PTGFRN: variants seen among roughly 807,000 people sequenced by gnomAD.
PTGFRN encodes prostaglandin F2 receptor inhibitor, also known as prostaglandin F2 receptor negative regulator.
A neutral mutation model predicts 83.2 loss-of-function variants in PTGFRN; 35 were observed. That is an observed-to-expected ratio of 0.42 (90% CI 0.32 to 0.56). The LOEUF (loss-of-function observed/expected upper bound fraction) is 0.56, where lower values mean the gene tolerates loss of function less well. PTGFRN is among the 20% of genes least tolerant of loss of function. The probability of loss-of-function intolerance (pLI) is 0.11; values close to 1 mark genes in which losing one functional copy is unlikely to be tolerated. For synonymous variants in PTGFRN, 519 were observed against 498.6 expected, an observed-to-expected ratio of 1.04 and a Z score of -0.55; for missense variants, 1,051 against 1,179.5, an observed-to-expected ratio of 0.89 and a Z score of 1.60.
chr1:116,923,311 T>A lies in PTGFRN; in HGVS notation c.49+13059T>A, dbSNP rs576527068. ...GCAGAAGATATCTATGTGTCCTTTT[T>A]ACTATCTTTCTTATGTGTGCTTATT... is the stretch of plus-strand genomic sequence containing the variant. On this transcript the variant is annotated intron_variant, in intron 1 of 8. Coordinates refer to ENST00000393203, the MANE Select transcript of PTGFRN (RefSeq NM_020440.4). This position sits in a 1 kb window ranked among gnomAD's most constrained non-coding sequence, Gnocchi z 4.0. Among the ~76,000 whole-genome samples, 3 of 152,380 alleles carry A rather than the reference T, an allele frequency of 2.0e-5. No individual in the cohort carries two copies. The highest frequency in any genetic ancestry group is 3.8e-4 in the East Asian group (2 of 5,196).
intron 6 of PTGFRN, among the ~76,000 whole-genome samples, chr1:116,971,731 C>T (rs539308806): frequency 6.6e-6 from 1 of 152,276 alleles, no homozygotes; most frequent in East Asian, 1.9e-4. Flanking sequence ...TTGATTCCCA[C>T]GTCCAGTAGG....
chr1:116,910,503 C>G (rs1173273918), intron 1 of PTGFRN, among the ~76,000 whole-genome samples: 1 of 151,864 alleles, frequency 6.6e-6, no homozygotes, highest in African/African-American at 2.4e-5. Context: ...GAGCCTCGCC[C>G]CCAACATGTG....
Position 116,942,591 on chromosome 1 carries a change from A to C in PTGFRN, c.418+508A>C, listed in dbSNP as rs888889738. Among the ~76,000 whole-genome samples, 7 of 152,340 alleles carry C rather than the reference A, an allele frequency of 4.6e-5. 1 individual carries two copies. The highest frequency in any genetic ancestry group is 6.8e-3 in the Middle Eastern group (2 of 294). Reference sequence around the variant, plus strand: ...CAGGAAGGGGATGGTCATGTTAATGATGCTCAGGTTTATGGGAATCACAGG... The same window carrying C: ...CAGGAAGGGGATGGTCATGTTAATGCTGCTCAGGTTTATGGGAATCACAGG... On this transcript the variant is annotated intron_variant, in intron 2 of 8. Coordinates refer to ENST00000393203, the MANE Select transcript of PTGFRN (RefSeq NM_020440.4).
intron 1 of PTGFRN, among the ~76,000 whole-genome samples, chr1:116,925,515 G>A (rs1649637206): frequency 6.6e-6 from 1 of 152,152 alleles, no homozygotes; most frequent in Admixed American, 6.5e-5. Flanking sequence ...TAGTGTGGAG[G>A]GTTGAGTTGT....
chr1:116,948,207 A>G (rs954571169), intron 3 of PTGFRN, among the ~76,000 whole-genome samples: 33 of 152,288 alleles, frequency 2.2e-4, no homozygotes, highest in Admixed American at 1.8e-3. Flanking sequence ...ACATTTCACA[A>G]GTTGATGTTT....
At chr1:116,975,695 A>G (rs1021345283) in intron 7 of PTGFRN, among the ~76,000 whole-genome samples, 3 of 152,250 alleles carry the variant, frequency 2.0e-5, no homozygotes, top group African/African-American at 4.8e-5. Flanking sequence ...ACAAACAGAA[A>G]GGACATCCAC....
rs34531926 is a variant in PTGFRN, at chr1:116,941,809, T to C, written c.144T>C (p.Tyr48=). ...TCATCCCCTGCAACGTCAGTGACTA[T>C]GATGGCCCCAGCGAGCAAAACTTTG... The part of the protein sequence containing the change: ...ELVIPCNVSD[Y]DGPSEQNFDW... The change falls in exon 2 of 9, where the codon TAT becomes TAC. Residue 48 remains tyrosine, a synonymous_variant. Coordinates refer to ENST00000393203, the MANE Select transcript of PTGFRN (RefSeq NM_020440.4). This position sits in a 1 kb window ranked among gnomAD's most constrained non-coding sequence, Gnocchi z 5.0. 2.3e-4 allele frequency: 364 copies of C among 1,614,200 alleles called. No individual in the cohort carries two copies. The highest frequency in any genetic ancestry group is 2.1e-3 in the Middle Eastern group (13 of 6,062).
intron 2 of PTGFRN, 89 bp from the exon 3 acceptor site, chr1:116,944,590 G>A (rs1231722687): frequency 4.8e-6 from 6 of 1,254,480 alleles, no homozygotes; most frequent in Non-Finnish European, 5.1e-6. Flanking sequence ...AAGGGAGGAG[G>A]AAATTGTCTG....
chr1:116,945,238 G>A, intron 3 of PTGFRN, 146 bp downstream of exon 3: 1 of 1,076,266 alleles, frequency 9.3e-7, no homozygotes, highest in South Asian at 1.7e-5. Context: ...GGTGAAGGGA[G>A]TAGGGTGTTG....
rs1200083927 is a variant in PTGFRN at position 116,974,086 on chromosome 1, C to T, written c.2060-130C>T. 4.6e-6 allele frequency: 3 copies of T among 652,640 alleles called. No individual in the cohort carries two copies. The Admixed American group carries it at 8.6e-5, about 19-fold the overall frequency. 40.4% of individuals were successfully genotyped at this position (652,640 alleles called of 1,614,324 possible). A position where few individuals can be genotyped will look rare whatever the true frequency, so the allele number is the denominator to read the frequency against. On this transcript the variant is annotated intron_variant, in intron 6 of 8. Transcript: ENST00000393203. ...ATAGAAGAGAGGCAACCTTGGAACA[C>T]CTATTTTGTGAGTTTCTAGACCAGT...
intron 1 of PTGFRN, among the ~76,000 whole-genome samples, chr1:116,929,011 T>C (rs1570648908): frequency 6.6e-6 from 1 of 152,168 alleles, no homozygotes; most frequent in Non-Finnish European, 1.5e-5. Context: ...CCTACTCCAC[T>C]GCACTTCCAC....
At position 116,941,698 on chromosome 1, in the gene PTGFRN, A is replaced by T. The variant is rs748521748; in HGVS notation, c.50-17A>T. On this transcript the variant is annotated splice_polypyrimidine_tract_variant and intron_variant, in intron 1 of 8. Transcript: ENST00000393203. This position sits in a 1 kb window ranked among gnomAD's most constrained non-coding sequence, Gnocchi z 5.0. ...TTCTGTGATTAAAGACCTGCCTTTC[A>T]TCTTTTATCATTGCAGCTCTTTGCC... is the stretch of plus-strand genomic sequence containing the variant. The T allele has an allele frequency of 1.3e-6, 2 of 1,592,580 alleles. No individual in the cohort carries two copies. The highest frequency in any genetic ancestry group is 1.7e-6 in the Non-Finnish European group (2 of 1,168,100).
At chr1:116,921,703 A>G (rs567003215) in intron 1 of PTGFRN, among the ~76,000 whole-genome samples, 4 of 152,308 alleles carry the variant, frequency 2.6e-5, no homozygotes, top group African/African-American at 9.6e-5. Context: ...CAAGATTACA[A>G]AGTCCAAAAT....
At position 116,941,619 on chromosome 1, in the gene PTGFRN, C is replaced by A; in HGVS notation, c.50-96C>A. ...AGTAGTTTGGCTGTCACGTTTCTGC[C>A]ATGCCTGTGAGCAGGAGCATCCACA... On this transcript the variant is annotated intron_variant, in intron 1 of 8. Coordinates refer to ENST00000393203, the MANE Select transcript of PTGFRN (RefSeq NM_020440.4). The surrounding 1 kb of genome is among the most constrained non-coding windows in gnomAD (Gnocchi z 5.0). The A allele has an allele frequency of 6.8e-7, 1 of 1,471,726 alleles. No individual in the cohort carries two copies. The highest frequency in any genetic ancestry group is 9.1e-7 in the Non-Finnish European group (1 of 1,102,470). 91.2% of individuals were successfully genotyped at this position (1,471,726 alleles called of 1,614,324 possible).
intron 4 of PTGFRN, among the ~76,000 whole-genome samples, chr1:116,957,613 A>G (rs12040028): frequency 0.085 from 12,967 of 152,130 alleles, 946 homozygotes; most frequent in East Asian, 0.39. Flanking sequence ...CATACCTATA[A>G]TTTTTTGTGC....
chr1:116,938,899 G>A (rs895699020), intron 1 of PTGFRN, among the ~76,000 whole-genome samples: 1 of 152,178 alleles, frequency 6.6e-6, no homozygotes, highest in Non-Finnish European at 1.5e-5. Context: ...CAAAACAAAG[G>A]GGCTACAGGC....
chr1:116,965,983 C>T (rs537046274), intron 5 of PTGFRN, among the ~76,000 whole-genome samples: 14 of 152,310 alleles, frequency 9.2e-5, no homozygotes, highest in African/African-American at 3.4e-4. Flanking sequence ...TATACATGTT[C>T]TGCTAATCGG....
rs966669348 is a variant in PTGFRN at position 116,989,748 on chromosome 1, A to G, written c.*2781A>G. 6.6e-6 allele frequency: 1 copy of G among 152,580 alleles called. No individual in the cohort carries two copies. Among genetic ancestry groups the G allele is most frequent in the Non-Finnish European group, 1.5e-5 (1 of 68,024 alleles). The allele number at this position is 152,580 out of a possible 1,614,324, so 9.5% of individuals were successfully genotyped here. A position where few individuals can be genotyped will look rare whatever the true frequency, so the allele number is the denominator to read the frequency against. On this transcript the variant is annotated 3_prime_UTR_variant, in exon 9 of 9. Transcript: ENST00000393203. ...AATCGACTTTTTAACAACTGTTGAGATGTTTCATGGGACAGTAGAACTCTG... is the reference window on the plus strand; with the variant it reads ...AATCGACTTTTTAACAACTGTTGAGGTGTTTCATGGGACAGTAGAACTCTG...
At chr1:116,946,182 G>A (rs1650197044) in intron 3 of PTGFRN, among the ~76,000 whole-genome samples, 1 of 152,168 alleles carries the variant, frequency 6.6e-6, no homozygotes, top group Admixed American at 6.5e-5. Flanking sequence ...TACTCAGATG[G>A]GAAGGAAAGC....
Sources: gnomAD v4.1 joint callset for allele counts (sites outside exome capture counted in the v4.1 genomes callset) on GRCh38, gnomAD v4.1.1 for gene constraint, Gnocchi (gnomAD v3.1) non-coding constraint, MANE v1.5 for transcripts, NCBI Gene and HGNC (gene_info 2026-07-23, HGNC 2026-07-21) for gene names.